HOOK3: variants seen among roughly 807,000 people sequenced by gnomAD.
HOOK3 encodes the protein protein Hook homolog 3.
A neutral mutation model predicts 116.3 loss-of-function variants in HOOK3; 24 were observed. That is an observed-to-expected ratio of 0.21 (90% CI 0.15 to 0.29). The LOEUF (loss-of-function observed/expected upper bound fraction) is 0.29, where lower values mean the gene tolerates loss of function less well. Among genes scored for constraint, HOOK3 ranks in the 10% least tolerant of loss-of-function variants. The probability of loss-of-function intolerance (pLI) is 1.00; values close to 1 mark genes in which losing one functional copy is unlikely to be tolerated. For missense variants in HOOK3, 632 were observed against 830.2 expected, an observed-to-expected ratio of 0.76 and a Z score of 2.93; for synonymous variants, 275 against 283.0, an observed-to-expected ratio of 0.97 and a Z score of 0.28.
chr8:42,958,554 A>G (rs866860257), intron 7 of HOOK3, among the ~76,000 whole-genome samples: 6 of 141,068 alleles, frequency 4.3e-5, no homozygotes, highest in African/African-American at 1.3e-4. Context: ...GAGATGCAAA[A>G]TTTTCGTCGT....
intron 2 of HOOK3, among the ~76,000 whole-genome samples, chr8:42,913,628 T>A (rs1352108188): frequency 6.6e-6 from 1 of 152,236 alleles, no homozygotes; most frequent in Non-Finnish European, 1.5e-5. Flanking sequence ...TTGGGTTTAT[T>A]CTGTTTCACC....
intron 10 of HOOK3, 113 bp from the exon 11 acceptor site, chr8:42,967,900 A>G: frequency 1.5e-6 from 1 of 645,466 alleles, no homozygotes; most frequent in Non-Finnish European, 2.8e-6. Flanking sequence ...ACCTGGAATC[A>G]CTTTTGTCTT....
intron 5 of HOOK3, among the ~76,000 whole-genome samples, chr8:42,945,344 C>T (rs2130388712): frequency 6.6e-6 from 1 of 152,144 alleles, no homozygotes; most frequent in African/African-American, 2.4e-5. Context: ...GAGTCTTGCT[C>T]TGTTGCCCAG....
rs1472311238 is a variant in HOOK3 at position 43,024,972 on chromosome 8, T to C, written c.*6474T>C. On this transcript the variant is annotated 3_prime_UTR_variant, in exon 22 of 22. Coordinates refer to ENST00000307602, the MANE Select transcript of HOOK3 (RefSeq NM_032410.4). The stretch of plus-strand genomic sequence containing the variant: ...GATGATTTTATTTTTTAAATAGCCT[T>C]TTATCAAACCATTTCACATGTATTA... The C allele has an allele frequency of 4.9e-6, 1 of 203,134 alleles. No homozygotes were observed. The highest frequency in any genetic ancestry group is 2.3e-5 in the African/African-American group (1 of 43,758). The allele number at this position is 203,134 out of a possible 1,614,324, so 12.6% of individuals were successfully genotyped here.
rs13252434 is a variant in HOOK3 at position 43,025,681 on chromosome 8, T to C, written c.*7183T>C. The C allele has an allele frequency of 4.5e-4, 96 of 215,134 alleles. 1 individual carries two copies. Among genetic ancestry groups the C allele is most frequent in the Non-Finnish European group, 7.0e-4 (75 of 106,754 alleles). 13.3% of individuals were successfully genotyped at this position (215,134 alleles called of 1,614,324 possible). ...ATTACTAAAGCTGAGAAAGTGATTT[T>C]AGGTCGCCAAGGATACTATGATTTG... is the stretch of plus-strand genomic sequence containing the variant. On this transcript the variant is annotated 3_prime_UTR_variant, in exon 22 of 22. Transcript: ENST00000307602.
At chr8:43,004,679 T>TAA (rs71231881) in intron 17 of HOOK3, among the ~76,000 whole-genome samples, 1,529 of 86,542 alleles carry the variant, frequency 0.018, 27 homozygotes, top group Non-Finnish European at 0.026. Context: ...AGACTCCATC[T>TAA]AAAAAAAAAA....
intron 5 of HOOK3, 143 bp downstream of exon 5, chr8:42,943,588 C>T: frequency 4.3e-6 from 2 of 463,892 alleles, no homozygotes; most frequent in South Asian, 1.1e-4. Context: ...TACAGTTTTA[C>T]TAGTAATTTG....
chr8:42,912,211 A>G (rs556283863), intron 2 of HOOK3, among the ~76,000 whole-genome samples: 11 of 152,318 alleles, frequency 7.2e-5, no homozygotes, highest in African/African-American at 2.4e-4. Flanking sequence ...GAGAAGCTAC[A>G]TCATTTTGTA....
chr8:42,931,859 A>AT (rs540556907), intron 4 of HOOK3, among the ~76,000 whole-genome samples: 198 of 151,954 alleles, frequency 1.3e-3, no homozygotes, highest in African/African-American at 4.5e-3. Flanking sequence ...GGTTCACGCC[A>AT]TTCTCCTGTC....
intron 11 of HOOK3, among the ~76,000 whole-genome samples, chr8:42,971,734 G>A (rs773352411): frequency 4.6e-5 from 7 of 151,620 alleles, no homozygotes; most frequent in African/African-American, 7.3e-5. Flanking sequence ...AGGTTGGAGT[G>A]CAGTGGTGCA....
At position 42,957,075 on chromosome 8, in the gene HOOK3, A is replaced by T; in HGVS notation, c.469-19A>T. 2 of 1,522,148 alleles carry T rather than the reference A, an allele frequency of 1.3e-6. No individual in the cohort carries two copies. Among genetic ancestry groups the T allele is most frequent in the Non-Finnish European group, 1.8e-6 (2 of 1,108,414 alleles). 94.3% of individuals were successfully genotyped at this position (1,522,148 alleles called of 1,614,324 possible). A position where few individuals can be genotyped will look rare whatever the true frequency, so the allele number is the denominator to read the frequency against. ...TCTTTTTTGCCTCATAGTTATAATC[A>T]TTTAAATCTTGATTTCAGCTGATGA... On this transcript the variant is annotated intron_variant, in intron 6 of 21. Coordinates refer to ENST00000307602, the MANE Select transcript of HOOK3 (RefSeq NM_032410.4).
intron 14 of HOOK3, among the ~76,000 whole-genome samples, chr8:42,985,439 A>G (rs1414536588): frequency 6.6e-6 from 1 of 152,210 alleles, no homozygotes; most frequent in Non-Finnish European, 1.5e-5. Flanking sequence ...AATAGCAGGT[A>G]CCAATGTACA....
At position 42,903,338 on chromosome 8, in the gene HOOK3, CTTTTTT is replaced by C. The variant is rs1164136399; in HGVS notation, c.58-2816_58-2811del. On this transcript the variant is annotated intron_variant, in intron 1 of 21. Transcript: ENST00000307602. ...TACTGACTGTACTGTTAATAGTTGTCTTTTTTTTTTTTTTTTTTTTTTTTGAGACGG... is the reference window on the plus strand; with the variant it reads ...TACTGACTGTACTGTTAATAGTTGTCTTTTTTTTTTTTTTTTTTGAGACGG... Among the ~76,000 whole-genome samples the C allele has an allele frequency of 6.6e-3, 581 of 87,608 alleles. 6 individuals carry two copies. The highest frequency in any genetic ancestry group is 0.026 in the African/African-American group (543 of 21,096). 57.5% of individuals were successfully genotyped at this position (87,608 alleles called of 152,430 possible).
chr8:42,930,283 G>C (rs774064284), intron 4 of HOOK3, 111 bp downstream of exon 4: 1 of 972,576 alleles, frequency 1.0e-6, no homozygotes, highest in Non-Finnish European at 1.4e-6. Flanking sequence ...TCAGTTTGTC[G>C]TTCATTTTAT....
intron 18 of HOOK3, among the ~76,000 whole-genome samples, chr8:43,009,786 C>T (rs914716006): frequency 2.0e-5 from 3 of 152,168 alleles, no homozygotes; most frequent in African/African-American, 4.8e-5. Context: ...TCATCTCAAA[C>T]CGAAGTTCTC....
chr8:42,935,124 G>A (rs1488757490), intron 4 of HOOK3, among the ~76,000 whole-genome samples: 1 of 152,116 alleles, frequency 6.6e-6, no homozygotes. Context: ...GTTTTGATTT[G>A]CATTTCTCTA....
intron 19 of HOOK3, 109 bp from the exon 20 acceptor site, chr8:43,012,942 T>C: frequency 1.4e-6 from 1 of 734,048 alleles, no homozygotes; most frequent in Non-Finnish European, 2.2e-6. Flanking sequence ...TAACCTTTGA[T>C]TTTTCATAAG....
rs370760188 is a variant in HOOK3 at position 42,998,110 on chromosome 8, C to T, written c.1620+473C>T. Reference sequence around the variant, plus strand: ...TCCCCGACACTGGCCCTTTTTTGCACATCCCCCAGCACTCTGCATCTCTGT... The same window carrying T: ...TCCCCGACACTGGCCCTTTTTTGCATATCCCCCAGCACTCTGCATCTCTGT... On this transcript the variant is annotated intron_variant, in intron 16 of 21. Transcript: ENST00000307602. 58 of 206,060 alleles carry T rather than the reference C, an allele frequency of 2.8e-4. 1 individual carries two copies. The South Asian group carries it at 4.3e-3, about 15-fold the overall frequency. 12.8% of individuals were successfully genotyped at this position (206,060 alleles called of 1,614,324 possible). A position where few individuals can be genotyped will look rare whatever the true frequency, so the allele number is the denominator to read the frequency against.
At chr8:42,991,931 G>A (rs1170023821) in intron 15 of HOOK3, among the ~76,000 whole-genome samples, 1 of 152,132 alleles carries the variant, frequency 6.6e-6, no homozygotes, top group Admixed American at 6.5e-5. Context: ...CATGAACATA[G>A]AATATCTTTC....
Sources: allele counts gnomAD v4.1 joint callset (sites outside exome capture counted in the v4.1 genomes callset), GRCh38; gene constraint gnomAD v4.1.1; transcripts MANE v1.5; gene names NCBI Gene and HGNC (gene_info 2026-07-23, HGNC 2026-07-21).